Variants in CLBA1 observed in about 807,000 individuals in gnomAD.
CLBA1 encodes the protein clathrin binding box of aftiphilin containing 1.
CLBA1 carries 30 observed loss-of-function variants against 28.8 expected under a neutral mutation model. The observed-to-expected ratio is 1.04, with a 90% confidence interval of 0.78 to 1.41. CLBA1 has a LOEUF of 1.41. Ranked by LOEUF, CLBA1 falls within the 40% of genes most tolerant of loss-of-function variation. The probability of loss-of-function intolerance (pLI) is 0.00; values close to 1 mark genes in which losing one functional copy is unlikely to be tolerated. For missense variants in CLBA1, 451 were observed against 412.3 expected, an observed-to-expected ratio of 1.09 and a Z score of -0.81; for synonymous variants, 160 against 152.8, an observed-to-expected ratio of 1.05 and a Z score of -0.35.
Position 104,986,526 on chromosome 14 carries a change from G to A in CLBA1, c.95G>A (p.Ser32Asn). ...ASLRVAPERL[S>N]DDSLEWRRTC... The stretch of plus-strand genomic sequence containing the variant: ...CTCCGAGTGGCACCTGAGAGGCTGA[G>A]TGATGACAGTTTGGAATGGAGACGG... The change falls in exon 1 of 5, where the codon AGT becomes AAT. Residue 32 changes from serine (S) to asparagine (N), a missense_variant. By Grantham distance (46) the Ser-to-Asn change is conservative (BLOSUM62 1). Coordinates refer to ENST00000547315, the MANE Select transcript of CLBA1 (RefSeq NM_174891.4). 6.2e-7 allele frequency: 1 copy of A among 1,613,948 alleles called. No homozygotes were observed. Among genetic ancestry groups the A allele is most frequent in the Non-Finnish European group, 8.5e-7 (1 of 1,180,028 alleles).
At chr14:104,996,243 GAGGCCCTGCTGCTCTCGTCCCCA>G (rs1900153132), downstream of CLBA1, among the ~76,000 whole-genome samples, 1 of 152,212 alleles carries the variant, frequency 6.6e-6, no homozygotes, top group African/African-American at 2.4e-5. Flanking sequence ...CTAGAGAAGA[GAGGCCCTGCTGCTCTCGTCCCCA>G]GAGGGGAGTG....
rs1899838462 is a variant in CLBA1 at position 104,985,896 on chromosome 14, C to T, written c.-536C>T. 1 of 126,538 alleles carries T rather than the reference C, an allele frequency of 7.9e-6. No homozygotes were observed. Among genetic ancestry groups the T allele is most frequent in the Non-Finnish European group, 1.4e-5 (1 of 70,446 alleles). The allele number at this position is 126,538 out of a possible 1,614,324, so 7.8% of individuals were successfully genotyped here. A position where few individuals can be genotyped will look rare whatever the true frequency, so the allele number is the denominator to read the frequency against. ...CGACCAAGGTGGGTGCGGGGACTCT[C>T]GGGAGCCGTGGGCCAGGCGCTTAGC... On this transcript the variant is annotated 5_prime_UTR_variant, in exon 1 of 5. Transcript: ENST00000547315.
intron 1 of CLBA1, 51 bp from the exon 2 acceptor site, chr14:104,988,892 T>C: frequency 6.6e-7 from 1 of 1,511,054 alleles, no homozygotes; most frequent in Non-Finnish European, 9.0e-7. Flanking sequence ...AAGGTAACGT[T>C]ATGTATGTCT....
In CLBA1 at chr14:104,993,009, T is replaced by C. The variant is rs1900079470; in HGVS notation, c.761T>C (p.Leu254Pro). The change falls in exon 4 of 5, where the codon CTC becomes CCC. Residue 254 changes from leucine to proline, a missense_variant. By Grantham distance (98) the Leu-to-Pro change is moderately conservative. Transcript: ENST00000547315. ...EDCDLKEPEGLLTVSSFCLQH... is the reference protein window; with the variant it reads ...EDCDLKEPEGPLTVSSFCLQH... ...TGTGACCTCAAAGAGCCTGAAGGACTCCTCACTGTCAGCAGCTTCTGTCTC... is the reference window on the plus strand; with the variant it reads ...TGTGACCTCAAAGAGCCTGAAGGACCCCTCACTGTCAGCAGCTTCTGTCTC... The C allele has an allele frequency of 3.1e-6, 5 of 1,614,002 alleles. No individual in the cohort carries two copies. Among genetic ancestry groups the C allele is most frequent in the Admixed American group, 3.3e-5 (2 of 60,000 alleles).
In CLBA1 at chr14:104,993,369, G is replaced by C. The variant is rs962428185; in HGVS notation, c.816+305G>C. The C allele has an allele frequency of 4.1e-6, 4 of 985,330 alleles. No homozygotes were observed. In the African/African-American group the frequency reaches 7.0e-5, roughly 17 times the overall value. 61.0% of individuals were successfully genotyped at this position (985,330 alleles called of 1,614,324 possible). A position where few individuals can be genotyped will look rare whatever the true frequency, so the allele number is the denominator to read the frequency against. On this transcript the variant is annotated intron_variant, in intron 4 of 4. Coordinates refer to ENST00000547315, the MANE Select transcript of CLBA1 (RefSeq NM_174891.4). ...CTGCAGGGAAGCTGAGACGCCAGGT[G>C]TGGATGACGAGGCTGGAAGGATGAG... is the stretch of plus-strand genomic sequence containing the variant.
At chr14:104,994,511 G>A (rs1900119027) in intron 4 of CLBA1, 87 bp from the exon 5 acceptor site, 1 of 1,492,672 alleles carries the variant, frequency 6.7e-7, no homozygotes, top group East Asian at 2.4e-5. Context: ...GGGGCCGAGA[G>A]GCAGGGGGCG....
At chr14:104,992,248 C>T (rs914172127) in intron 3 of CLBA1, among the ~76,000 whole-genome samples, 5 of 152,060 alleles carry the variant, frequency 3.3e-5, no homozygotes, top group South Asian at 2.1e-4. Flanking sequence ...CAAGCACACA[C>T]ACCACACACG....
In CLBA1 at chr14:104,995,151, G is replaced by A. The variant is rs1196177476; in HGVS notation, c.*392G>A. 1.0e-6 allele frequency: 1 copy of A among 992,032 alleles called. No homozygotes were observed. Among genetic ancestry groups the A allele is most frequent in the Non-Finnish European group, 1.2e-6 (1 of 834,498 alleles). 61.5% of individuals were successfully genotyped at this position (992,032 alleles called of 1,614,324 possible). ...CCAAATCCATGAGTTCAGAGGAAAA[G>A]GGGAAGGCACTGAAACGTCACCAGA... On this transcript the variant is annotated 3_prime_UTR_variant, in exon 5 of 5. Coordinates refer to ENST00000547315, the MANE Select transcript of CLBA1 (RefSeq NM_174891.4).
In CLBA1 at chr14:104,986,131, G is replaced by T. The variant is rs970514253; in HGVS notation, c.-301G>T. On this transcript the variant is annotated 5_prime_UTR_variant, in exon 1 of 5. Transcript: ENST00000547315. The stretch of plus-strand genomic sequence containing the variant: ...CAGAGCAGGAGCCCCACCTTGGGCC[G>T]CCCCTCTCACACCTGCCGTGGGTCT... 1 of 448,824 alleles carries T rather than the reference G, an allele frequency of 2.2e-6. No individual in the cohort carries two copies. Among genetic ancestry groups the T allele is most frequent in the African/African-American group, 2.0e-5 (1 of 50,874 alleles). 27.8% of individuals were successfully genotyped at this position (448,824 alleles called of 1,614,324 possible).
intron 2 of CLBA1, 132 bp downstream of exon 2, chr14:104,989,220 T>C (rs1341406422): frequency 9.1e-6 from 8 of 877,554 alleles, no homozygotes; most frequent in Non-Finnish European, 1.0e-5. Context: ...CATCTGTGGG[T>C]CATAGGGGTC....
intron 1 of CLBA1, among the ~76,000 whole-genome samples, chr14:104,987,606 C>CTTTTTTTTTTTTTTTT (rs869117577): frequency 1.7e-5 from 1 of 59,984 alleles, no homozygotes. Context: ...TCTTCCTTTT[C>CTTTTTTTTTTTTTTTT]TTTTTTTTTT....
At chr14:105,000,000 G>A (rs1009011151), downstream of CLBA1, among the ~76,000 whole-genome samples, 1 of 152,196 alleles carries the variant, frequency 6.6e-6, no homozygotes, top group Non-Finnish European at 1.5e-5. Context: ...CCTAAGTGAA[G>A]ACGTAAGAGC....
intron 1 of CLBA1, 58 bp from the exon 2 acceptor site, chr14:104,988,885 G>C: frequency 1.4e-6 from 2 of 1,469,662 alleles, no homozygotes; most frequent in African/African-American, 2.8e-5. Flanking sequence ...TTGGAATAAG[G>C]TAACGTTATG....
rs986694807 is a variant in CLBA1 at position 104,986,834 on chromosome 14, T to A, written c.403T>A (p.Ser135Thr). 10 of 1,613,034 alleles carry A rather than the reference T, an allele frequency of 6.2e-6. No individual in the cohort carries two copies. The Admixed American group carries it at 1.7e-4, about 27-fold the overall frequency. ...GGGTGGACCTTGGGTGACAGGAACT[T>A]CTGCCGTCCCACCTTCTGAGGTATT... ...CQGGPWVTGT[S>T]AVPPSEPILS... Residue 135 changes from serine (S) to threonine (T), a missense_variant, in exon 1 of 5, where the codon TCT becomes ACT. By Grantham distance (58) the Ser-to-Thr change is moderately conservative. Coordinates refer to ENST00000547315, the MANE Select transcript of CLBA1 (RefSeq NM_174891.4).
downstream of CLBA1, among the ~76,000 whole-genome samples, chr14:104,996,925 C>T (rs896313073): frequency 6.6e-6 from 1 of 152,254 alleles, no homozygotes; most frequent in Non-Finnish European, 1.5e-5. Context: ...GGCACGTGCC[C>T]CTCTGTGGAA....
In CLBA1 at chr14:104,994,979, G is replaced by C; in HGVS notation, c.*220G>C. The C allele has an allele frequency of 8.2e-7, 1 of 1,219,580 alleles. No homozygotes were observed. The highest frequency in any genetic ancestry group is 1.0e-6 in the Non-Finnish European group (1 of 977,308). The allele number at this position is 1,219,580 out of a possible 1,614,324, so 75.5% of individuals were successfully genotyped here. ...AGCCAAGGGGAGACAGAGGTTTCTG[G>C]ATGCCATGACAGGCTGTCGGGGTCC... On this transcript the variant is annotated 3_prime_UTR_variant, in exon 5 of 5. Transcript: ENST00000547315.
chr14:104,987,687 G>A (rs940896111), intron 1 of CLBA1, among the ~76,000 whole-genome samples: 2 of 128,680 alleles, frequency 1.6e-5, no homozygotes, highest in African/African-American at 5.7e-5. Flanking sequence ...GCACTGTGTC[G>A]GCTCACTGCA....
chr14:104,996,931 T>A (rs528752545), downstream of CLBA1, among the ~76,000 whole-genome samples: 1 of 152,356 alleles, frequency 6.6e-6, no homozygotes, highest in East Asian at 1.9e-4. Context: ...TGCCCCTCTG[T>A]GGAACTAAAC....
At chr14:105,000,290 C>CT (rs56848266), downstream of CLBA1, among the ~76,000 whole-genome samples, 411 of 145,196 alleles carry the variant, frequency 2.8e-3, no homozygotes, top group Middle Eastern at 0.022. Context: ...TTCTTTCTTT[C>CT]TTTTTTTTTT....
Sources: allele counts gnomAD v4.1 joint callset (sites outside exome capture counted in the v4.1 genomes callset), GRCh38; gene constraint gnomAD v4.1.1; transcripts MANE v1.5; gene names NCBI Gene and HGNC (gene_info 2026-07-23, HGNC 2026-07-21).